Variants in SPATA33 observed in about 807,000 individuals in gnomAD.
SPATA33 encodes spermatogenesis associated 33.
Under a neutral mutation model 8.9 loss-of-function variants are expected in SPATA33, and 10 were observed. The ratio of observed to expected loss-of-function variants is 1.12; its 90% CI spans 0.69 to 1.90. The LOEUF is 1.90. Among genes scored for constraint, SPATA33 ranks in the 40% most tolerant of loss-of-function variants. The pLI, the probability that SPATA33 is intolerant of heterozygous loss-of-function variation, is 0.00. For synonymous variants in SPATA33, 96 were observed against 72.8 expected, an observed-to-expected ratio of 1.32 and a Z score of -1.63; for missense variants, 241 against 178.3, an observed-to-expected ratio of 1.35 and a Z score of -2.00.
In SPATA33 at chr16:89,669,527, C is replaced by G. The variant is rs1293693193; in HGVS notation, c.*30C>G. ...GCACCTTTGCATGGCACTCGCTACTCCCTGCGATAGGCGTCTCGGGAACAG... is the reference window on the plus strand; with the variant it reads ...GCACCTTTGCATGGCACTCGCTACTGCCTGCGATAGGCGTCTCGGGAACAG... On this transcript the variant is annotated 3_prime_UTR_variant, in exon 3 of 3. Transcript: ENST00000579310. 1 of 1,601,652 alleles carries G rather than the reference C, an allele frequency of 6.2e-7. No individual in the cohort carries two copies. Among genetic ancestry groups the G allele is most frequent in the African/African-American group, 1.3e-5 (1 of 74,560 alleles).
At chr16:89,660,419 C>A in intron 2 of SPATA33, 3 of 1,218,150 alleles carry the variant, frequency 2.5e-6, no homozygotes, top group Non-Finnish European at 3.1e-6. Flanking sequence ...TGGAAGGGCC[C>A]CAGCAGTGTC....
intron 2 of SPATA33, chr16:89,660,821 A>G (rs575987488): frequency 5.4e-6 from 6 of 1,121,272 alleles, no homozygotes; most frequent in Admixed American, 4.5e-5. Flanking sequence ...ACTGCAGTTT[A>G]GTAGTCCTGG....
intron 2 of SPATA33, chr16:89,658,922 A>T (rs1191872106): frequency 6.4e-6 from 1 of 155,904 alleles, no homozygotes; most frequent in African/African-American, 2.4e-5. Context: ...TGTGGGGAAG[A>T]TGAGGCCCCA....
chr16:89,658,004 A>G (rs1007756565), intron 1 of SPATA33, 56 bp downstream of exon 1: 4 of 1,501,082 alleles, frequency 2.7e-6, no homozygotes, highest in South Asian at 1.2e-5. Context: ...GCGCGGGCCC[A>G]GGGCGGGGCT....
At chr16:89,663,455 C>T (rs562494247) in intron 2 of SPATA33, among the ~76,000 whole-genome samples, 3 of 151,994 alleles carry the variant, frequency 2.0e-5, no homozygotes, top group Admixed American at 6.6e-5. Context: ...TCAGGTGATC[C>T]GCTTGCCTCA....
intron 2 of SPATA33, chr16:89,660,937 C>G: frequency 9.8e-7 from 1 of 1,021,182 alleles, no homozygotes; most frequent in South Asian, 4.6e-5. Context: ...GGGCATGCAC[C>G]TCAGGGGGAG....
Position 89,669,649 on chromosome 16 carries a change from C to T in SPATA33, c.*152C>T. 2 of 727,984 alleles carry T rather than the reference C, an allele frequency of 2.7e-6. No homozygotes were observed. Among genetic ancestry groups the T allele is most frequent in the Non-Finnish European group, 4.4e-6 (2 of 452,580 alleles). 45.1% of individuals were successfully genotyped at this position (727,984 alleles called of 1,614,324 possible). A position where few individuals can be genotyped will look rare whatever the true frequency, so the allele number is the denominator to read the frequency against. On this transcript the variant is annotated 3_prime_UTR_variant, in exon 3 of 3. Coordinates refer to ENST00000579310, the MANE Select transcript of SPATA33 (RefSeq NM_001271907.2). ...CCCTGTGAGAAACTGCAGCCCCCTTCTCCAGTGCTTTCGGGGAGGGTGCAC... is the reference window on the plus strand; with the variant it reads ...CCCTGTGAGAAACTGCAGCCCCCTTTTCCAGTGCTTTCGGGGAGGGTGCAC...
rs748399125 is a variant in SPATA33, at chr16:89,658,418, G to T, written c.208G>T (p.Glu70Ter). 1 of 1,605,486 alleles carries T rather than the reference G, an allele frequency of 6.2e-7. No individual in the cohort carries two copies. The highest frequency in any genetic ancestry group is 8.5e-7 in the Non-Finnish European group (1 of 1,176,710). Residue 70 changes from glutamate (E) to a stop codon, truncating the protein, a stop_gained, in exon 2 of 3, where the codon GAA (glutamate) becomes TAA (stop). Transcript: ENST00000579310. LOFTEE classifies it low-confidence loss of function (END_TRUNC). ...AKHPPPAASLEEKPDVKQKSS... is the reference protein window; with the variant it reads ...AKHPPPAASL The stretch of plus-strand genomic sequence containing the variant: ...GCACCCGCCGCCGGCAGCTTCGCTG[G>T]AAGGTAGGAGACGGCGGGAGGGAGC...
In SPATA33 at chr16:89,669,654, G is replaced by C. The variant is rs1463486358; in HGVS notation, c.*157G>C. ...TGAGAAACTGCAGCCCCCTTCTCCAGTGCTTTCGGGGAGGGTGCACCAGGC... is the reference window on the plus strand; with the variant it reads ...TGAGAAACTGCAGCCCCCTTCTCCACTGCTTTCGGGGAGGGTGCACCAGGC... On this transcript the variant is annotated 3_prime_UTR_variant, in exon 3 of 3. Coordinates refer to ENST00000579310, the MANE Select transcript of SPATA33 (RefSeq NM_001271907.2). 2.9e-6 allele frequency: 2 copies of C among 687,828 alleles called. No homozygotes were observed. The highest frequency in any genetic ancestry group is 2.8e-5 in the East Asian group (1 of 35,830). The allele number at this position is 687,828 out of a possible 1,614,324, so 42.6% of individuals were successfully genotyped here.
intron 2 of SPATA33, 78 bp downstream of exon 2, chr16:89,658,499 G>C (rs2059917052): frequency 6.6e-7 from 1 of 1,506,980 alleles, no homozygotes; most frequent in African/African-American, 1.4e-5. Flanking sequence ...CCTACTGTAA[G>C]ACCCTACCGG....
rs768100245 is a variant in SPATA33 at position 89,669,436 on chromosome 16, C to A, written c.362C>A (p.Pro121His). The part of the protein sequence containing the change: ...RTIREPEDWG[P>H]YRRHRNPSTA... ...ATTCGGGAGCCGGAGGACTGGGGCC[C>A]CTACCGGCGGCACAGGAACCCCAGT... The change falls in exon 3 of 3, where the codon CCC (proline) becomes CAC (histidine). Residue 121 changes from proline to histidine, a missense_variant. By Grantham distance (77) the Pro-to-His change is moderately conservative (BLOSUM62 -2). Transcript: ENST00000579310. 6.2e-7 allele frequency: 1 copy of A among 1,613,958 alleles called. No homozygotes were observed. The highest frequency in any genetic ancestry group is 8.5e-7 in the Non-Finnish European group (1 of 1,180,024).
rs978083197 is a variant in SPATA33, at chr16:89,669,368, G to A, written c.294G>A (p.Thr98=). 7 of 1,614,206 alleles carry A rather than the reference G, an allele frequency of 4.3e-6. No individual in the cohort carries two copies. The highest frequency in any genetic ancestry group is 1.1e-5 in the South Asian group (1 of 91,084). ...TCATCACGCGAGCGTCGAATGAGAC[G>A]CTAGTCAGTTGCAGTTCCAGCGGGA... ...QIIITRASNE[T]LVSCSSSGSD... is the part of the protein sequence containing the mutation. The change falls in exon 3 of 3, where the codon ACG becomes ACA. Residue 98 remains threonine (T), a synonymous_variant. Transcript: ENST00000579310.
intron 2 of SPATA33, among the ~76,000 whole-genome samples, chr16:89,666,196 T>C (rs979327468): frequency 3.3e-5 from 5 of 151,994 alleles, no homozygotes; most frequent in Admixed American, 2.0e-4. Context: ...AAGCCAGATA[T>C]GGTGATGTGG....
Position 89,669,398 on chromosome 16 carries a change from C to T in SPATA33, c.324C>T (p.Asp108=). The T allele has an allele frequency of 6.2e-7, 1 of 1,614,178 alleles. No individual in the cohort carries two copies. Among genetic ancestry groups the T allele is most frequent in the Non-Finnish European group, 8.5e-7 (1 of 1,180,042 alleles). Residue 108 remains aspartate (D), a synonymous_variant, in exon 3 of 3, where the codon GAC becomes GAT. Coordinates refer to ENST00000579310, the MANE Select transcript of SPATA33 (RefSeq NM_001271907.2). ...TLVSCSSSGS[D]QQRTIREPED... The stretch of plus-strand genomic sequence containing the variant: ...TCAGTTGCAGTTCCAGCGGGAGTGA[C>T]CAGCAGAGAACCATTCGGGAGCCGG...
chr16:89,658,198 G>T (rs774557886), intron 1 of SPATA33, 50 bp from the exon 2 acceptor site: 103 of 1,609,048 alleles, frequency 6.4e-5, no homozygotes, highest in Non-Finnish European at 8.4e-5. Flanking sequence ...GGGACCCACT[G>T]CCCTGCATTC....
chr16:89,669,201 T>G, intron 2 of SPATA33, 85 bp from the exon 3 acceptor site: 1 of 1,281,284 alleles, frequency 7.8e-7, no homozygotes, highest in South Asian at 1.2e-5. Flanking sequence ...TTAATTCCTT[T>G]ACTCTGACCA....
intron 2 of SPATA33, among the ~76,000 whole-genome samples, chr16:89,663,638 G>C (rs2059990449): frequency 6.6e-6 from 1 of 152,134 alleles, no homozygotes; most frequent in Non-Finnish European, 1.5e-5. Flanking sequence ...GGGGTAGGGA[G>C]TGAGGGGGTC....
At chr16:89,663,422 A>T (rs559087902) in intron 2 of SPATA33, among the ~76,000 whole-genome samples, 10 of 152,162 alleles carry the variant, frequency 6.6e-5, no homozygotes, top group African/African-American at 1.9e-4. Flanking sequence ...CATGTTGGTC[A>T]GGCTGGTCTC....
At position 89,669,437 on chromosome 16, in the gene SPATA33, C is replaced by G; in HGVS notation, c.363C>G (p.Pro121=). The change falls in exon 3 of 3, where the codon CCC becomes CCG. Residue 121 remains proline, a synonymous_variant. Coordinates refer to ENST00000579310, the MANE Select transcript of SPATA33 (RefSeq NM_001271907.2). Reference sequence around the variant, plus strand: ...TTCGGGAGCCGGAGGACTGGGGCCCCTACCGGCGGCACAGGAACCCCAGTA... The same window carrying G: ...TTCGGGAGCCGGAGGACTGGGGCCCGTACCGGCGGCACAGGAACCCCAGTA... ...RTIREPEDWG[P]YRRHRNPSTA... is the part of the protein sequence containing the mutation. 1 of 1,613,952 alleles carries G rather than the reference C, an allele frequency of 6.2e-7. No homozygotes were observed. The highest frequency in any genetic ancestry group is 8.5e-7 in the Non-Finnish European group (1 of 1,180,016).
Sources: gnomAD v4.1 joint callset for allele counts (sites outside exome capture counted in the v4.1 genomes callset) on GRCh38, gnomAD v4.1.1 for gene constraint, MANE v1.5 for transcripts, NCBI Gene and HGNC (gene_info 2026-07-23, HGNC 2026-07-21) for gene names.